Variants in TMEM266 observed in about 807,000 individuals in gnomAD.
The protein encoded by TMEM266 is transmembrane protein 266.
A neutral mutation model predicts 50.5 loss-of-function variants in TMEM266; 33 were observed. The ratio of observed to expected loss-of-function variants is 0.65; its 90% CI spans 0.50 to 0.87. The LOEUF (loss-of-function observed/expected upper bound fraction) is 0.87. Ranked by LOEUF, TMEM266 falls within the 40% of genes least tolerant of loss-of-function variation. TMEM266 has a pLI of 0.00. For missense variants in TMEM266, 655 were observed against 695.1 expected, an observed-to-expected ratio of 0.94 and a Z score of 0.65; for synonymous variants, 310 against 292.3, an observed-to-expected ratio of 1.06 and a Z score of -0.62.
rs554689788 is a variant in TMEM266, at chr15:76,081,997, T to C, written c.-97+21981T>C. ...TTCTTCCTTTTCAAAACTAATGATCTTTGTATTCTCAATTCCATCCCCTCC... is the reference window on the plus strand; with the variant it reads ...TTCTTCCTTTTCAAAACTAATGATCCTTGTATTCTCAATTCCATCCCCTCC... On this transcript the variant is annotated intron_variant, in intron 1 of 10. Transcript: ENST00000388942. Among the ~76,000 whole-genome samples, 5 of 152,266 alleles carry C rather than the reference T, an allele frequency of 3.3e-5. No individual in the cohort carries two copies. In the South Asian group the frequency reaches 1.0e-3, roughly 32 times the overall value.
intron 8 of TMEM266, among the ~76,000 whole-genome samples, chr15:76,180,435 G>A (rs1197875186): frequency 6.6e-6 from 1 of 151,980 alleles, no homozygotes; most frequent in Non-Finnish European, 1.5e-5. Flanking sequence ...GCCTGGGGTT[G>A]TGGGTTTTGG....
intron 3 of TMEM266, among the ~76,000 whole-genome samples, chr15:76,146,705 G>A (rs904072501): frequency 6.6e-6 from 1 of 152,104 alleles, no homozygotes; most frequent in Non-Finnish European, 1.5e-5. Context: ...AAAAAGGAGG[G>A]GTAGGGACCT....
At chr15:76,178,870 C>G (rs2038345196) in intron 8 of TMEM266, 1 of 152,238 alleles carries the variant, frequency 6.6e-6, no homozygotes, top group South Asian at 2.1e-4. Flanking sequence ...CAGAAAGGGC[C>G]AGACAGGCTG....
chr15:76,092,301 T>C (rs1164579098), intron 1 of TMEM266, among the ~76,000 whole-genome samples: 4 of 152,086 alleles, frequency 2.6e-5, no homozygotes, highest in African/African-American at 9.7e-5. Flanking sequence ...TGCTAAACTT[T>C]GTATAGTTTC....
intron 1 of TMEM266, among the ~76,000 whole-genome samples, chr15:76,108,666 G>A (rs552456479): frequency 3.0e-4 from 45 of 152,254 alleles, no homozygotes; most frequent in African/African-American, 1.0e-3. Context: ...TGTGCACCTG[G>A]GAACCAAGAG....
At chr15:76,085,180 CTA>C (rs1304976345) in intron 1 of TMEM266, among the ~76,000 whole-genome samples, 1 of 151,116 alleles carries the variant, frequency 6.6e-6, no homozygotes, top group African/African-American at 2.4e-5. Flanking sequence ...AGCACGGTCT[CTA>C]TCTCCTGACC....
chr15:76,159,589 AC>A (rs2037983997), intron 4 of TMEM266, among the ~76,000 whole-genome samples: 1 of 152,042 alleles, frequency 6.6e-6, no homozygotes, highest in Non-Finnish European at 1.5e-5. Context: ...GGCCGACACC[AC>A]CGTCTCTGCC....
chr15:76,177,204 C>T (rs549783731), intron 8 of TMEM266, among the ~76,000 whole-genome samples: 7 of 152,364 alleles, frequency 4.6e-5, no homozygotes, highest in African/African-American at 1.7e-4. Flanking sequence ...CAGCTCTTCC[C>T]GCTGAAATAG....
intron 1 of TMEM266, among the ~76,000 whole-genome samples, chr15:76,121,682 G>A (rs1410510624): frequency 6.6e-6 from 1 of 152,190 alleles, no homozygotes; most frequent in East Asian, 1.9e-4. Context: ...CTCCCAAAGT[G>A]CTGGGATTAC....
At chr15:76,123,470 C>A (rs773816718) in intron 1 of TMEM266, among the ~76,000 whole-genome samples, 2 of 152,156 alleles carry the variant, frequency 1.3e-5, no homozygotes, top group Non-Finnish European at 2.9e-5. Flanking sequence ...GCTATCTCCA[C>A]GTAAAAGAAC....
At position 76,199,168 on chromosome 15, in the gene TMEM266, A is replaced by C. The variant is rs969921239; in HGVS notation, c.959-3034A>C. ...TCAAAGTTGTTGGTAAGAGAGAGGC[A>C]CTAAAAAGTGCCAGGGAACCAGTCA... On this transcript the variant is annotated intron_variant, in intron 9 of 10. Transcript: ENST00000388942. Among the ~76,000 whole-genome samples the C allele has an allele frequency of 9.8e-5, 15 of 152,354 alleles. 1 individual carries two copies. The East Asian group carries it at 2.9e-3, about 29-fold the overall frequency.
intron 1 of TMEM266, among the ~76,000 whole-genome samples, chr15:76,108,191 G>A (rs944420429): frequency 6.6e-6 from 1 of 152,216 alleles, no homozygotes; most frequent in East Asian, 1.9e-4. Flanking sequence ...TGGCAGGAGG[G>A]CAGCACGAAT....
intron 9 of TMEM266, among the ~76,000 whole-genome samples, chr15:76,196,652 C>T (rs1323684326): frequency 1.3e-5 from 2 of 152,084 alleles, no homozygotes; most frequent in African/African-American, 4.8e-5. Context: ...AGGGATTAAC[C>T]TACAGACATG....
At chr15:76,067,469 C>A (rs923605230) in intron 1 of TMEM266, among the ~76,000 whole-genome samples, 3 of 151,492 alleles carry the variant, frequency 2.0e-5, no homozygotes, top group Non-Finnish European at 1.5e-5. Context: ...ATGGAGAAAC[C>A]CCGTCTCTAC....
chr15:76,090,707 A>G (rs1256949195), intron 1 of TMEM266, among the ~76,000 whole-genome samples: 1 of 152,046 alleles, frequency 6.6e-6, no homozygotes, highest in Non-Finnish European at 1.5e-5. Context: ...AGCTAAAACA[A>G]TCTGAGCTCA....
intron 1 of TMEM266, among the ~76,000 whole-genome samples, chr15:76,061,872 A>G (rs147219585): frequency 3.3e-5 from 5 of 152,314 alleles, no homozygotes; most frequent in African/African-American, 9.6e-5. Context: ...TCATCAGAGC[A>G]ACATTGTCTA....
chr15:76,169,893 C>A lies in TMEM266; in HGVS notation c.513+21C>A, dbSNP rs777374205. ...TAGAGGTAAAGACCAATGTCCACCC[C>A]CAAAGCCCCCACTCTGCCATCCTGG... On this transcript the variant is annotated intron_variant, in intron 6 of 10. Transcript: ENST00000388942. 2.0e-5 allele frequency: 32 copies of A among 1,608,810 alleles called. No homozygotes were observed. In the Middle Eastern group the frequency reaches 5.3e-4, roughly 27 times the overall value.
chr15:76,088,941 A>G (rs1470151218), intron 1 of TMEM266, among the ~76,000 whole-genome samples: 1 of 151,722 alleles, frequency 6.6e-6, no homozygotes, highest in Non-Finnish European at 1.5e-5. Context: ...TAAAAATACA[A>G]AAAGTAGCCA....
chr15:76,118,532 C>T (rs532471165), intron 1 of TMEM266, among the ~76,000 whole-genome samples: 1 of 152,330 alleles, frequency 6.6e-6, no homozygotes, highest in South Asian at 2.1e-4. Context: ...GCACTCCAGC[C>T]TGGGCATCAG....
Sources: allele counts gnomAD v4.1 joint callset (sites outside exome capture counted in the v4.1 genomes callset), GRCh38; gene constraint gnomAD v4.1.1; transcripts MANE v1.5; gene names NCBI Gene and HGNC (gene_info 2026-07-23, HGNC 2026-07-21).